Variants in C10orf67 observed in about 807,000 individuals in gnomAD.
The protein encoded by C10orf67 is uncharacterized protein C10orf67, mitochondrial.
A neutral mutation model predicts 35.6 loss-of-function variants in C10orf67; 60 were observed. The observed-to-expected ratio is 1.68, with a 90% CI of 1.37 to 2.09. The LOEUF is 2.09. Ranked by LOEUF, C10orf67 falls within the 30% of genes most tolerant of loss-of-function variation. C10orf67 has a pLI of 0.00. For missense variants in C10orf67, 474 were observed against 330.2 expected (o/e 1.44, Z -3.38); for synonymous variants, 167 against 115.8 (o/e 1.44, Z -2.84).
intron 7 of C10orf67, among the ~76,000 whole-genome samples, chr10:23,288,723 A>C (rs1554811405): frequency 6.6e-6 from 1 of 152,166 alleles, no homozygotes; most frequent in Non-Finnish European, 1.5e-5. Context: ...TGGCTAGTGC[A>C]ACTGTGAAAC....
chr10:23,289,628 C>A (rs1843654074), intron 7 of C10orf67, among the ~76,000 whole-genome samples: 1 of 152,200 alleles, frequency 6.6e-6, no homozygotes, highest in Non-Finnish European at 1.5e-5. Context: ...CATCTTCAGA[C>A]TTCTCTGTGT....
intron 5 of C10orf67, among the ~76,000 whole-genome samples, chr10:23,296,533 C>T (rs1339215430): frequency 6.6e-6 from 1 of 152,158 alleles, no homozygotes; most frequent in Admixed American, 6.5e-5. Context: ...TCTCAGTGCC[C>T]CTCTCAACAG....
intron 13 of C10orf67, among the ~76,000 whole-genome samples, chr10:23,228,327 C>G (rs1292250384): frequency 6.6e-6 from 1 of 152,014 alleles, no homozygotes; most frequent in African/African-American, 2.4e-5. Context: ...CTGACAAAAA[C>G]AAGAAATGGG....
chr10:23,223,914 T>C (rs1841660280), intron 13 of C10orf67, 96 bp from the exon 14 acceptor site: 1 of 672,390 alleles, frequency 1.5e-6, no homozygotes, highest in Non-Finnish European at 2.7e-6. Context: ...TTGACCAAGA[T>C]ATGGAAACTA....
At chr10:23,261,279 A>T (rs1174447484) in intron 10 of C10orf67, among the ~76,000 whole-genome samples, 5 of 152,154 alleles carry the variant, frequency 3.3e-5, no homozygotes, top group Non-Finnish European at 5.9e-5. Context: ...TCCCACACTA[A>T]AATTGCTGGA....
chr10:23,343,792 A>G, intron 1 of C10orf67: 1 of 346,004 alleles, frequency 2.9e-6, no homozygotes, highest in South Asian at 2.2e-5. Flanking sequence ...CGAAAAACAA[A>G]CAAAAAACTG....
rs1215278259 is a variant in C10orf67 at position 23,203,539 on chromosome 10, C to T, written c.*634G>A. On this transcript the variant is annotated 3_prime_UTR_variant, in exon 16 of 16. Transcript: ENST00000636213. ...ACATTACGCATGGAAGAAAAGCAAACCCGCCTTTTGGTAAACGGTGTCTGG... is the reference window on the plus strand; with the variant it reads ...ACATTACGCATGGAAGAAAAGCAAATCCGCCTTTTGGTAAACGGTGTCTGG... 1 of 152,162 alleles carries T rather than the reference C, an allele frequency of 6.6e-6. No individual in the cohort carries two copies. Among genetic ancestry groups the T allele is most frequent in the Non-Finnish European group, 1.5e-5 (1 of 68,022 alleles). The allele number at this position is 152,162 out of a possible 1,614,324, so 9.4% of individuals were successfully genotyped here.
rs1842137411 is a variant in C10orf67, at chr10:23,239,834, A to G, written c.1347-18T>C. The G allele has an allele frequency of 1.6e-6, 1 of 608,388 alleles. No homozygotes were observed. The highest frequency in any genetic ancestry group is 2.0e-5 in the South Asian group (1 of 50,198). The allele number at this position is 608,388 out of a possible 1,614,324, so 37.7% of individuals were successfully genotyped here. A position where few individuals can be genotyped will look rare whatever the true frequency, so the allele number is the denominator to read the frequency against. ...CATGAAAGCTGAAATTTTAAAAATG[A>G]TGAAACTTAAAATGTATGTAAATCA... On this transcript the variant is annotated intron_variant, in intron 12 of 15. Transcript: ENST00000636213.
At chr10:23,298,688 C>T (rs1171401389) in intron 5 of C10orf67, among the ~76,000 whole-genome samples, 1 of 152,114 alleles carries the variant, frequency 6.6e-6, no homozygotes, top group Non-Finnish European at 1.5e-5. Flanking sequence ...ACTGAGGGTC[C>T]TGGTGCCTTT....
At chr10:23,235,116 C>T (rs531425009) in intron 13 of C10orf67, among the ~76,000 whole-genome samples, 2 of 151,106 alleles carry the variant, frequency 1.3e-5, no homozygotes, top group African/African-American at 4.9e-5. Flanking sequence ...TTAGACAGTG[C>T]GATATTGGCA....
intron 13 of C10orf67, among the ~76,000 whole-genome samples, chr10:23,231,990 CA>C (rs1841925486): frequency 6.6e-6 from 1 of 152,072 alleles, no homozygotes; most frequent in Non-Finnish European, 1.5e-5. Context: ...ACTACATGCA[CA>C]AGTGATAAAA....
intron 15 of C10orf67, among the ~76,000 whole-genome samples, chr10:23,221,869 A>G (rs1841590646): frequency 6.6e-6 from 1 of 152,194 alleles, no homozygotes; most frequent in Non-Finnish European, 1.5e-5. Flanking sequence ...AATTTTTGTT[A>G]ACTGGATTAT....
At chr10:23,323,162 T>C (rs2132346130) in intron 2 of C10orf67, among the ~76,000 whole-genome samples, 1 of 152,260 alleles carries the variant, frequency 6.6e-6, no homozygotes, top group Non-Finnish European at 1.5e-5. Flanking sequence ...TTGTCATACC[T>C]CAAAAGGTAT....
intron 4 of C10orf67, among the ~76,000 whole-genome samples, chr10:23,307,000 G>C (rs1056027142): frequency 2.6e-5 from 4 of 152,152 alleles, no homozygotes; most frequent in Non-Finnish European, 4.4e-5. Context: ...ATGTAGAAAA[G>C]GAAGTAAACA....
At chr10:23,269,296 A>T (rs1842960067) in intron 8 of C10orf67, among the ~76,000 whole-genome samples, 2 of 152,208 alleles carry the variant, frequency 1.3e-5, no homozygotes, top group Admixed American at 6.5e-5. Flanking sequence ...TATGTTTGCA[A>T]AGTTTCTATA....
Position 23,204,151 on chromosome 10 carries a change from C to T in C10orf67, c.*22G>A, listed in dbSNP as rs574075866. On this transcript the variant is annotated 3_prime_UTR_variant, in exon 16 of 16. Coordinates refer to ENST00000636213, the MANE Select transcript of C10orf67 (RefSeq NM_001371909.1). ...GCCACTCTTTCTGAGGCCCCGTCTG[C>T]GCAGCCCAGGCTTCTGCTGGGTTAA... 3 of 507,338 alleles carry T rather than the reference C, an allele frequency of 5.9e-6. No homozygotes were observed. The highest frequency in any genetic ancestry group is 1.1e-5 in the Non-Finnish European group (3 of 274,786). 31.4% of individuals were successfully genotyped at this position (507,338 alleles called of 1,614,324 possible).
intron 2 of C10orf67, among the ~76,000 whole-genome samples, chr10:23,331,681 G>A (rs572675913): frequency 4.5e-4 from 66 of 147,596 alleles, no homozygotes; most frequent in East Asian, 2.0e-3. Context: ...AAAAGGGAAA[G>A]GGAAGGGAAG....
chr10:23,293,230 A>G (rs1843776089), intron 5 of C10orf67, among the ~76,000 whole-genome samples: 1 of 152,238 alleles, frequency 6.6e-6, no homozygotes. Flanking sequence ...GTATGAAAGC[A>G]GGACGCAAGG....
chr10:23,328,993 C>CAAAAAAAAAAAAAAAA (rs57772405), intron 2 of C10orf67, among the ~76,000 whole-genome samples: 10 of 78,704 alleles, frequency 1.3e-4, no homozygotes, highest in Admixed American at 3.1e-4. Flanking sequence ...CATAAACGAA[C>CAAAAAAAAAAAAAAAA]AAAAAAAAAA....
Sources: allele counts gnomAD v4.1 joint callset (sites outside exome capture counted in the v4.1 genomes callset), GRCh38; gene constraint gnomAD v4.1.1; transcripts MANE v1.5; gene names NCBI Gene and HGNC (gene_info 2026-07-23, HGNC 2026-07-21).